SRRM4: variants seen among roughly 807,000 people sequenced by gnomAD.
SRRM4 encodes serine/arginine repetitive matrix 4, also known as serine/arginine repetitive matrix protein 4.
SRRM4 carries 33 observed loss-of-function variants against 68.9 expected under a neutral mutation model. That is an observed-to-expected ratio of 0.48 (90% CI 0.36 to 0.64). The LOEUF (loss-of-function observed/expected upper bound fraction) is 0.64. SRRM4 is among the 30% of genes least tolerant of loss of function. The probability of loss-of-function intolerance (pLI) is 0.00; values close to 1 mark genes in which losing one functional copy is unlikely to be tolerated. For missense variants in SRRM4, 817 were observed against 827.1 expected, an observed-to-expected ratio of 0.99 and a Z score of 0.15; for synonymous variants, 318 against 318.8, an observed-to-expected ratio of 1.00 and a Z score of 0.03.
chr12:119,003,214 C>G (rs985462937), intron 1 of SRRM4, among the ~76,000 whole-genome samples: 4 of 151,718 alleles, frequency 2.6e-5, no homozygotes, highest in Admixed American at 6.6e-5. Context: ...GTTCGAAGAC[C>G]AGGGGCAAGT....
Position 119,145,436 on chromosome 12 carries a change from C to A in SRRM4, c.827C>A (p.Thr276Asn). Residue 276 changes from threonine (T) to asparagine (N), a missense_variant, in exon 9 of 13, where the codon ACC (threonine) becomes AAC (asparagine). Transcript: ENST00000267260. ...TTTACCAAAACAGCCAGCCCGCTCA[C>A]CACCTCGCGAGGACGTTCCCAGGAG... is the stretch of plus-strand genomic sequence containing the variant. Reference protein sequence around the residue: ...DLFTKTASPLTTSRGRSQEYD... With the variant: ...DLFTKTASPLNTSRGRSQEYD... 6.2e-7 allele frequency: 1 copy of A among 1,607,150 alleles called. No individual in the cohort carries two copies. Among genetic ancestry groups the A allele is most frequent in the Non-Finnish European group, 8.5e-7 (1 of 1,176,856 alleles).
chr12:119,103,696 G>C (rs184111505), intron 2 of SRRM4, among the ~76,000 whole-genome samples: 69 of 152,286 alleles, frequency 4.5e-4, no homozygotes, highest in African/African-American at 1.4e-3. Context: ...AGAAGGAAGG[G>C]AATTTCCCTA....
rs1318344978 is a variant in SRRM4 at position 119,157,289 on chromosome 12, G to T, written c.*491G>T. 1.9e-5 allele frequency: 3 copies of T among 158,540 alleles called. No homozygotes were observed. Among genetic ancestry groups the T allele is most frequent in the African/African-American group, 7.2e-5 (3 of 41,524 alleles). 9.8% of individuals were successfully genotyped at this position (158,540 alleles called of 1,614,324 possible). A position where few individuals can be genotyped will look rare whatever the true frequency, so the allele number is the denominator to read the frequency against. On this transcript the variant is annotated 3_prime_UTR_variant, in exon 13 of 13. Coordinates refer to ENST00000267260, the MANE Select transcript of SRRM4 (RefSeq NM_194286.4). The surrounding 1 kb of genome is among the most constrained non-coding windows in gnomAD (Gnocchi z 4.1). The stretch of plus-strand genomic sequence containing the variant: ...AAAGAGGAGACCAATGGCAGTTCAG[G>T]TTCAAGATAACGGGGTCAGGCCTTT...
At chr12:119,110,092 T>A (rs1474397633) in intron 2 of SRRM4, among the ~76,000 whole-genome samples, 1 of 152,140 alleles carries the variant, frequency 6.6e-6, no homozygotes. Flanking sequence ...GGAGGTCCAC[T>A]CCAGACACTG....
At chr12:119,023,389 G>A (rs746986330) in intron 1 of SRRM4, among the ~76,000 whole-genome samples, 9 of 152,050 alleles carry the variant, frequency 5.9e-5, no homozygotes, top group African/African-American at 1.2e-4. Context: ...CTTCCTCCTC[G>A]ACCTAGTTTC....
chr12:119,072,558 T>G (rs1315063522), intron 1 of SRRM4, among the ~76,000 whole-genome samples: 1 of 152,156 alleles, frequency 6.6e-6, no homozygotes, highest in Non-Finnish European at 1.5e-5. Context: ...CTGATGTAAT[T>G]ACACTGTGTG....
intron 1 of SRRM4, among the ~76,000 whole-genome samples, chr12:119,069,175 G>A (rs1483003938): frequency 6.6e-6 from 1 of 152,194 alleles, no homozygotes; most frequent in African/African-American, 2.4e-5. Context: ...TAAGGGAATG[G>A]AAAGCAAACA....
rs370165387 is a variant in SRRM4 at position 119,151,031 on chromosome 12, C to T, written c.1091C>T (p.Pro364Leu). 1.2e-4 allele frequency: 193 copies of T among 1,613,768 alleles called. No individual in the cohort carries two copies. Among genetic ancestry groups the T allele is most frequent in the African/African-American group, 2.1e-4 (16 of 74,902 alleles). ...CCCACCTGCAGGGGATTTCAGTCAC[C>T]GTGTCTGGAATGTGCCGAAGTGAAG... is the stretch of plus-strand genomic sequence containing the variant. ...RGRESRGFQSPCLECAEVKKS... is the reference protein window; with the variant it reads ...RGRESRGFQSLCLECAEVKKS... The change falls in exon 10 of 13, where the codon CCG becomes CTG. Residue 364 changes from proline to leucine, a missense_variant. Physicochemically the swap from Pro to Leu is moderately conservative, Grantham distance 98. Transcript: ENST00000267260.
intron 1 of SRRM4, among the ~76,000 whole-genome samples, chr12:119,086,232 A>G (rs1461488857): frequency 6.6e-6 from 1 of 152,126 alleles, no homozygotes; most frequent in Non-Finnish European, 1.5e-5. Context: ...TACACCCTAT[A>G]TACTTATTTG....
At chr12:119,130,657 G>T in intron 7 of SRRM4, 21 bp from the exon 8 acceptor site, 1 of 1,602,338 alleles carries the variant, frequency 6.2e-7, no homozygotes, top group East Asian at 2.2e-5. Context: ...AGACCCTCAG[G>T]TCTCTCTCCC....
Position 119,130,789 on chromosome 12 carries a change from C to T in SRRM4, c.726C>T (p.Pro242=), listed in dbSNP as rs773152261. 2.1e-5 allele frequency: 34 copies of T among 1,608,770 alleles called. No individual in the cohort carries two copies. Among genetic ancestry groups the T allele is most frequent in the Non-Finnish European group, 2.9e-5 (34 of 1,179,792 alleles). Reference sequence around the variant, plus strand: ...CTGAGGCCCAGTCCAGTCGCCCGCCCAGTCAACCCCTCCAGATGCTTGGCT... The same window carrying T: ...CTGAGGCCCAGTCCAGTCGCCCGCCTAGTCAACCCCTCCAGATGCTTGGCT... The part of the protein sequence containing the change: ...DSPEAQSSRP[P]SQPLQMLGYL... The change falls in exon 8 of 13, where the codon CCC becomes CCT. Residue 242 remains proline, a synonymous_variant. Transcript: ENST00000267260.
At chr12:119,067,033 T>C (rs1317874854) in intron 1 of SRRM4, among the ~76,000 whole-genome samples, 1 of 152,224 alleles carries the variant, frequency 6.6e-6, no homozygotes, top group Admixed American at 6.5e-5. Context: ...TAATGACCTA[T>C]GCATGGCCTC....
At chr12:119,053,816 C>A (rs1227588772) in intron 1 of SRRM4, among the ~76,000 whole-genome samples, 2 of 151,996 alleles carry the variant, frequency 1.3e-5, no homozygotes, top group Non-Finnish European at 2.9e-5. Flanking sequence ...CACAGGCATG[C>A]AAAGTGTAAT....
intron 1 of SRRM4, among the ~76,000 whole-genome samples, chr12:119,039,139 C>T (rs987449700): frequency 6.6e-6 from 1 of 152,226 alleles, no homozygotes; most frequent in African/African-American, 2.4e-5. Context: ...AATCAGCTCT[C>T]ATCACCAAAC....
At chr12:119,139,243 G>C (rs1954349634) in intron 8 of SRRM4, among the ~76,000 whole-genome samples, 1 of 152,124 alleles carries the variant, frequency 6.6e-6, no homozygotes, top group Non-Finnish European at 1.5e-5. Flanking sequence ...GGGATGGAAG[G>C]GCAGAGGCAA....
At chr12:119,034,260 A>G (rs1237933454) in intron 1 of SRRM4, among the ~76,000 whole-genome samples, 1 of 152,172 alleles carries the variant, frequency 6.6e-6, no homozygotes, top group Non-Finnish European at 1.5e-5. Context: ...CCAATCATTG[A>G]AAACAGGCTG....
At chr12:119,031,613 G>A (rs1315055498) in intron 1 of SRRM4, among the ~76,000 whole-genome samples, 1 of 152,154 alleles carries the variant, frequency 6.6e-6, no homozygotes, top group Non-Finnish European at 1.5e-5. Context: ...CCCTGGGATA[G>A]CCACATAAGT....
intron 3 of SRRM4, among the ~76,000 whole-genome samples, chr12:119,115,925 T>A (rs1954177063): frequency 6.6e-6 from 1 of 152,098 alleles, no homozygotes; most frequent in African/African-American, 2.4e-5. Context: ...AGATTTCATA[T>A]GAAAATGTGG....
At chr12:119,148,830 A>G (rs1954420155) in intron 9 of SRRM4, among the ~76,000 whole-genome samples, 1 of 152,192 alleles carries the variant, frequency 6.6e-6, no homozygotes. Context: ...TGAGTCCATG[A>G]CTGTTTATGT....
Sources: gnomAD v4.1 joint callset for allele counts (sites outside exome capture counted in the v4.1 genomes callset) on GRCh38, gnomAD v4.1.1 for gene constraint, Gnocchi (gnomAD v3.1) non-coding constraint, MANE v1.5 for transcripts, NCBI Gene and HGNC (gene_info 2026-07-23, HGNC 2026-07-21) for gene names.